ABCC4: variants seen among roughly 807,000 people sequenced by gnomAD.
ABCC4 encodes the protein ATP-binding cassette sub-family C member 4.
ABCC4 carries 102 observed loss-of-function variants against 168.5 expected under a neutral mutation model. The observed-to-expected ratio is 0.61, with a 90% CI of 0.52 to 0.71. The LOEUF (loss-of-function observed/expected upper bound fraction) is 0.71. ABCC4 is among the 30% of genes least tolerant of loss of function. ABCC4 has a pLI of 0.00. For missense variants in ABCC4, 1,402 were observed against 1,605.8 expected, an observed-to-expected ratio of 0.87 and a Z score of 2.17; for synonymous variants, 617 against 590.7, an observed-to-expected ratio of 1.04 and a Z score of -0.65.
At chr13:95,112,832 C>T (rs1257598233) in intron 20 of ABCC4, among the ~76,000 whole-genome samples, 6 of 152,082 alleles carry the variant, frequency 3.9e-5, no homozygotes, top group East Asian at 1.9e-4. Context: ...ACCCAGGGCC[C>T]GTGATGTCAG....
chr13:95,173,106 C>T (rs991169807), intron 13 of ABCC4, among the ~76,000 whole-genome samples: 13 of 149,398 alleles, frequency 8.7e-5, no homozygotes, highest in African/African-American at 3.2e-4. Flanking sequence ...ACTACACAAA[C>T]ACAGAAAACA....
At chr13:95,090,084 C>T (rs573907102) in intron 20 of ABCC4, among the ~76,000 whole-genome samples, 39 of 152,074 alleles carry the variant, frequency 2.6e-4, no homozygotes, top group Non-Finnish European at 5.3e-4. Flanking sequence ...ACTGCAGGAC[C>T]TAGGAGACAC....
chr13:95,139,553 C>T (rs1024805179), intron 19 of ABCC4, among the ~76,000 whole-genome samples: 1 of 152,168 alleles, frequency 6.6e-6, no homozygotes, highest in African/African-American at 2.4e-5. Flanking sequence ...CCCAATGGGG[C>T]CGTGAGTGCT....
At chr13:95,192,260 C>A (rs1274827733) in intron 9 of ABCC4, among the ~76,000 whole-genome samples, 1 of 152,090 alleles carries the variant, frequency 6.6e-6, no homozygotes, top group African/African-American at 2.4e-5. Flanking sequence ...CCCAGCACAC[C>A]CTTCTTTCCT....
In ABCC4 at chr13:95,054,021, C is replaced by CTTTTTTTTTTT. The variant is rs55980425; in HGVS notation, c.3367-848_3367-838dup. The CTTTTTTTTTTT allele has an allele frequency of 9.5e-4, 68 of 71,628 alleles. 7 individuals carry two copies. The highest frequency in any genetic ancestry group is 4.6e-3 in the African/African-American group (64 of 13,770). 4.4% of individuals were successfully genotyped at this position (71,628 alleles called of 1,614,324 possible). ...CTCTCCAATGTCAGAATGGGACATC[C>CTTTTTTTTTTT]TTTTTTTTTTTTTTTTTTTTTTTTT... On this transcript the variant is annotated intron_variant, in intron 26 of 30. Coordinates refer to ENST00000645237, the MANE Select transcript of ABCC4 (RefSeq NM_005845.5).
rs540188277 is a variant in ABCC4, at chr13:95,089,881, GA to G, written c.2536-6592del. On this transcript the variant is annotated intron_variant, in intron 20 of 30. Coordinates refer to ENST00000645237, the MANE Select transcript of ABCC4 (RefSeq NM_005845.5). ...TGACAGTGAGACTCTGTCAAAAAAA[GA>G]AAAAAAAAAAGAAGCCAATCCCAAG... Among the ~76,000 whole-genome samples, 70 of 140,654 alleles carry G rather than the reference GA, an allele frequency of 5.0e-4. No homozygotes were observed. The South Asian group carries it at 8.0e-3, about 16-fold the overall frequency. The allele number at this position is 140,654 out of a possible 152,430, so 92.3% of individuals were successfully genotyped here.
intron 19 of ABCC4, among the ~76,000 whole-genome samples, chr13:95,160,592 CCA>C (rs563451146): frequency 1.1e-4 from 17 of 152,308 alleles, no homozygotes; most frequent in African/African-American, 4.1e-4. Flanking sequence ...TACTTCAAAA[CCA>C]CAGAGTTAGA....
At chr13:95,255,401 A>G (rs1487907173) in intron 1 of ABCC4, among the ~76,000 whole-genome samples, 2 of 152,172 alleles carry the variant, frequency 1.3e-5, no homozygotes, top group African/African-American at 4.8e-5. Context: ...GTAGTCCAAA[A>G]TAGCCATTCT....
At chr13:95,233,605 A>G (rs1478086733) in intron 4 of ABCC4, among the ~76,000 whole-genome samples, 1 of 147,506 alleles carries the variant, frequency 6.8e-6, no homozygotes, top group East Asian at 2.3e-4. Context: ...GCATCACACA[A>G]TACACCCATG....
chr13:95,268,828 A>ATC (rs1309102473), intron 1 of ABCC4, among the ~76,000 whole-genome samples: 1 of 152,070 alleles, frequency 6.6e-6, no homozygotes, highest in Non-Finnish European at 1.5e-5. Context: ...GAGGGAACTC[A>ATC]GAGACCGGTG....
Position 95,283,194 on chromosome 13 carries a change from C to A in ABCC4, c.74+18047G>T, listed in dbSNP as rs567902953. Among the ~76,000 whole-genome samples, 188 of 139,888 alleles carry A rather than the reference C, an allele frequency of 1.3e-3. 2 individuals carry two copies. Among genetic ancestry groups the A allele is most frequent in the African/African-American group, 4.9e-3 (183 of 37,434 alleles). 91.8% of individuals were successfully genotyped at this position (139,888 alleles called of 152,430 possible). A position where few individuals can be genotyped will look rare whatever the true frequency, so the allele number is the denominator to read the frequency against. ...TAGCGCCACTGCACTCCTGCCTGGG[C>A]AACAGAGCAAGACTCCAACTCAAAA... On this transcript the variant is annotated intron_variant, in intron 1 of 30. Coordinates refer to ENST00000645237, the MANE Select transcript of ABCC4 (RefSeq NM_005845.5).
intron 1 of ABCC4, among the ~76,000 whole-genome samples, chr13:95,287,398 C>T (rs1344438406): frequency 1.3e-5 from 2 of 151,990 alleles, no homozygotes; most frequent in African/African-American, 4.8e-5. Flanking sequence ...ACCAGCCTGG[C>T]CAACATGGTG....
At chr13:95,235,834 G>C (rs1301629232) in intron 3 of ABCC4, among the ~76,000 whole-genome samples, 1 of 152,184 alleles carries the variant, frequency 6.6e-6, no homozygotes, top group African/African-American at 2.4e-5. Flanking sequence ...GGCTCAGGTA[G>C]TGTGGAGTCA....
At chr13:95,268,394 T>TCGTGGGAAGGGAAAGACCTGA (rs1379327973) in intron 1 of ABCC4, among the ~76,000 whole-genome samples, 1 of 152,104 alleles carries the variant, frequency 6.6e-6, no homozygotes, top group Non-Finnish European at 1.5e-5. Flanking sequence ...CAATATGGCC[T>TCGTGGGAAGGGAAAGACCTGA]CGTGGGAAGG....
At chr13:95,074,758 T>A (rs952913093) in intron 22 of ABCC4, among the ~76,000 whole-genome samples, 21 of 152,300 alleles carry the variant, frequency 1.4e-4, no homozygotes, top group Admixed American at 1.2e-3. Flanking sequence ...TGACTATTGC[T>A]TAGGGGCTAT....
chr13:95,053,173 C>A lies in ABCC4; in HGVS notation c.3378G>T (p.Leu1126Phe). The change falls in exon 27 of 31, where the codon TTG becomes TTT. Residue 1126 changes from leucine to phenylalanine, a missense_variant. Physicochemically the swap from Leu to Phe is conservative, Grantham distance 22. Transcript: ENST00000645237. ...KMSIIPQEPV[L>F]FTGTMRKNLD... ...GGTTTTTCCTCATTGTTCCAGTGAA[C>A]AAAACAGGTTCCTAAGTGCCCAAAA... 6.2e-7 allele frequency: 1 copy of A among 1,614,064 alleles called. No individual in the cohort carries two copies.
At chr13:95,138,240 A>G (rs1467176402) in intron 19 of ABCC4, among the ~76,000 whole-genome samples, 2 of 152,222 alleles carry the variant, frequency 1.3e-5, no homozygotes, top group African/African-American at 4.8e-5. Context: ...ATAAGAAAAT[A>G]AACCCAGGAA....
chr13:95,217,052 C>A (rs746047627), intron 4 of ABCC4, among the ~76,000 whole-genome samples: 6 of 152,174 alleles, frequency 3.9e-5, no homozygotes, highest in Non-Finnish European at 7.3e-5. Context: ...AAGAACAATA[C>A]TGTGAATGGT....
chr13:95,144,406 CA>C (rs2036419956), intron 19 of ABCC4, among the ~76,000 whole-genome samples: 1 of 152,092 alleles, frequency 6.6e-6, no homozygotes, highest in African/African-American at 2.4e-5. Context: ...CCAGAACAAT[CA>C]AGCAAGAAAA....
Sources: allele counts gnomAD v4.1 joint callset (sites outside exome capture counted in the v4.1 genomes callset), GRCh38; gene constraint gnomAD v4.1.1; transcripts MANE v1.5; gene names NCBI Gene and HGNC (gene_info 2026-07-23, HGNC 2026-07-21).